CCDC141: variants seen among roughly 807,000 people sequenced by gnomAD.
The protein encoded by CCDC141 is coiled-coil domain containing 141.
Under a neutral mutation model 181.0 loss-of-function variants are expected in CCDC141, and 168 were observed. That is an observed-to-expected ratio of 0.93 (90% CI 0.82 to 1.05). The LOEUF is 1.05. CCDC141 is among the 50% of genes least tolerant of loss of function. CCDC141 has a pLI of 0.00. For synonymous variants in CCDC141, 666 were observed against 642.3 expected, an observed-to-expected ratio of 1.04 and a Z score of -0.56; for missense variants, 1,902 against 1,788.5, an observed-to-expected ratio of 1.06 and a Z score of -1.14.
intron 7 of CCDC141, among the ~76,000 whole-genome samples, chr2:178,909,970 C>T (rs1358934150): frequency 6.6e-6 from 1 of 152,146 alleles, no homozygotes; most frequent in South Asian, 2.1e-4. Context: ...GTTCCTAGCT[C>T]TTCTTGAACA....
chr2:179,001,585 AG>A (rs2041980329), intron 2 of CCDC141, among the ~76,000 whole-genome samples: 1 of 152,162 alleles, frequency 6.6e-6, no homozygotes, highest in African/African-American at 2.4e-5. Context: ...AAAGAGATGG[AG>A]GGCTGTGCTA....
chr2:178,881,618 T>C (rs998524657), intron 11 of CCDC141, among the ~76,000 whole-genome samples: 1 of 152,016 alleles, frequency 6.6e-6, no homozygotes, highest in Admixed American at 6.6e-5. Context: ...ATAAAGCGAA[T>C]TGCAGTGGGA....
At chr2:178,944,020 T>C (rs1375536953) in intron 6 of CCDC141, among the ~76,000 whole-genome samples, 1 of 152,202 alleles carries the variant, frequency 6.6e-6, no homozygotes, top group East Asian at 1.9e-4. Flanking sequence ...AAGTGATGAC[T>C]CATAGTGACA....
At chr2:179,011,463 A>T (rs2042268444) in intron 2 of CCDC141, among the ~76,000 whole-genome samples, 1 of 152,172 alleles carries the variant, frequency 6.6e-6, no homozygotes, top group East Asian at 1.9e-4. Flanking sequence ...GGAGCTCCCA[A>T]ATTTATAAAA....
intron 2 of CCDC141, among the ~76,000 whole-genome samples, chr2:178,981,008 G>T (rs1219490542): frequency 6.6e-6 from 1 of 152,118 alleles, no homozygotes; most frequent in Non-Finnish European, 1.5e-5. Context: ...AGACTAAGAT[G>T]GGTGTTACGT....
At chr2:178,872,402 T>C (rs1050383639) in intron 12 of CCDC141, 90 bp from the exon 13 acceptor site, 9 of 1,200,576 alleles carry the variant, frequency 7.5e-6, no homozygotes, top group Middle Eastern at 4.4e-4. Context: ...GCAAATTCTT[T>C]ATCACAACCA....
rs34625707 is a variant in CCDC141 at position 178,870,231 on chromosome 2, C to CAAAAAAA, written c.2206-933_2206-927dup. 1.7e-3 allele frequency among the ~76,000 whole-genome samples: 104 copies of CAAAAAAA among 60,212 alleles called. 3 individuals are homozygous for CAAAAAAA. Among genetic ancestry groups the CAAAAAAA allele is most frequent in the Non-Finnish European group, 2.3e-3 (74 of 31,570 alleles). 39.5% of individuals were successfully genotyped at this position (60,212 alleles called of 152,430 possible). On this transcript the variant is annotated intron_variant, in intron 14 of 23. Transcript: ENST00000443758. The stretch of plus-strand genomic sequence containing the variant: ...TGGGCAACAGAGTAAGACTCTGTCT[C>CAAAAAAA]AAAAAAAAAAAAAAAAAAAAAAAGA...
intron 2 of CCDC141, among the ~76,000 whole-genome samples, chr2:179,015,396 TATATCTCATATATGTACC>T (rs1559049588): frequency 2.9e-5 from 4 of 138,190 alleles, no homozygotes; most frequent in South Asian, 2.4e-4. Context: ...ATATGTATCA[TATATCTCATATATGTACC>T]ATATATCTCA....
chr2:179,027,387 G>A (rs2042877187), intron 2 of CCDC141, among the ~76,000 whole-genome samples: 1 of 152,116 alleles, frequency 6.6e-6, no homozygotes, highest in Non-Finnish European at 1.5e-5. Flanking sequence ...GCTCACGCCT[G>A]TAATCCCAGC....
chr2:178,821,052 T>A, the CCDC141 span, among the ~76,000 whole-genome samples: 20 of 152,228 alleles, frequency 1.3e-4, no homozygotes, highest in African/African-American at 4.6e-4. Context: ...AATGACAAGA[T>A]CTATGCTGAC....
chr2:178,834,385 C>T lies in CCDC141; in HGVS notation c.4381G>A (p.Glu1461Lys), dbSNP rs267599094. ...GGAATGAACACCGAATGCCTTGTCT[C>T]CTTGTGTAAAACCTGTAAGTGCCCA... ...ADGHLQVLHK[E>K]TRHSVFIPKV... Residue 1461 changes from glutamate (E) to lysine (K), a missense_variant, in exon 24 of 24, where the codon GAG (glutamate) becomes AAG (lysine). By Grantham distance (56) the Glu-to-Lys change is moderately conservative (BLOSUM62 1). Transcript: ENST00000443758. The T allele has an allele frequency of 3.9e-6, 6 of 1,536,286 alleles. No individual in the cohort carries two copies. The highest frequency in any genetic ancestry group is 3.5e-6 in the Non-Finnish European group (4 of 1,146,920).
At chr2:178,882,881 G>C (rs1000611588) in intron 11 of CCDC141, among the ~76,000 whole-genome samples, 2 of 151,924 alleles carry the variant, frequency 1.3e-5, no homozygotes, top group Non-Finnish European at 2.9e-5. Context: ...AGGGGATGGA[G>C]GATGGAAAGG....
the CCDC141 span, among the ~76,000 whole-genome samples, chr2:178,823,963 C>T: frequency 5.3e-5 from 8 of 152,028 alleles, no homozygotes; most frequent in African/African-American, 7.2e-5. Context: ...ATGGCACTGG[C>T]GCCATTAGCA....
intron 2 of CCDC141, among the ~76,000 whole-genome samples, chr2:179,018,959 T>A (rs554341043): frequency 6.6e-6 from 1 of 152,250 alleles, no homozygotes; most frequent in African/African-American, 2.4e-5. Flanking sequence ...AAAGCAAATA[T>A]TAAAAAACAA....
intron 2 of CCDC141, among the ~76,000 whole-genome samples, chr2:179,042,375 G>C (rs340344): frequency 0.65 from 98,802 of 152,002 alleles, 33,296 homozygotes; most frequent in East Asian, 0.77. Context: ...TGACAGTCTT[G>C]CTCCGTCTGT....
chr2:178,965,096 A>C lies in CCDC141; in HGVS notation c.527-3613T>G, dbSNP rs184928743. ...TTACAGCTTGTTAAATAAACTTTCC[A>C]AATGAGTACTTTCTAAAATGCATCA... On this transcript the variant is annotated intron_variant, in intron 4 of 23. Coordinates refer to ENST00000443758, the MANE Select transcript of CCDC141 (RefSeq NM_173648.4). 2.0e-5 allele frequency among the ~76,000 whole-genome samples: 3 copies of C among 152,364 alleles called. No homozygotes were observed. The East Asian group carries it at 5.8e-4, about 29-fold the overall frequency.
intron 5 of CCDC141, among the ~76,000 whole-genome samples, chr2:178,958,674 C>T (rs1255541151): frequency 6.7e-6 from 1 of 149,760 alleles, no homozygotes; most frequent in Non-Finnish European, 1.5e-5. Context: ...TTAGAATGTT[C>T]ACTTTGAATC....
At chr2:178,817,576 A>C in the CCDC141 span, 1 of 471,100 alleles carries the variant, frequency 2.1e-6, no homozygotes, top group Non-Finnish European at 4.4e-6. Flanking sequence ...CAAGTGACAC[A>C]TGGTCCTGAT....
At chr2:178,886,967 T>C (rs186056418) in intron 9 of CCDC141, 96 bp from the exon 10 acceptor site, 18 of 686,742 alleles carry the variant, frequency 2.6e-5, no homozygotes, top group African/African-American at 5.6e-5. Flanking sequence ...TTATAGATTC[T>C]CATTATACTT....
Sources: gnomAD v4.1 joint callset for allele counts (sites outside exome capture counted in the v4.1 genomes callset) on GRCh38, gnomAD v4.1.1 for gene constraint, MANE v1.5 for transcripts, NCBI Gene and HGNC (gene_info 2026-07-23, HGNC 2026-07-21) for gene names.